NKAIN2: variants seen among roughly 807,000 people sequenced by gnomAD.
The protein encoded by NKAIN2 is sodium/potassium transporting ATPase interacting 2.
A neutral mutation model predicts 32.6 loss-of-function variants in NKAIN2; 14 were observed. The observed-to-expected ratio is 0.43, with a 90% CI of 0.28 to 0.67. NKAIN2 has a LOEUF of 0.67. Among genes scored for constraint, NKAIN2 ranks in the 30% least tolerant of loss-of-function variants. The pLI is 0.17. For missense variants in NKAIN2, 198 were observed against 258.3 expected (o/e 0.77, Z 1.60); for synonymous variants, 80 against 87.2 (o/e 0.92, Z 0.46).
At chr6:123,947,589 A>T (rs575491986) in intron 1 of NKAIN2, among the ~76,000 whole-genome samples, 1 of 152,260 alleles carries the variant, frequency 6.6e-6, no homozygotes, top group Non-Finnish European at 1.5e-5. Flanking sequence ...AACCACAGAC[A>T]TGGGCTTTAA....
intron 3 of NKAIN2, among the ~76,000 whole-genome samples, chr6:124,654,717 A>G (rs1212654141): frequency 6.6e-6 from 1 of 152,130 alleles, no homozygotes; most frequent in Non-Finnish European, 1.5e-5. Context: ...AAAAACAGAA[A>G]TTTGGATACA....
chr6:124,225,516 G>A (rs892400257), intron 1 of NKAIN2, among the ~76,000 whole-genome samples: 3 of 151,844 alleles, frequency 2.0e-5, no homozygotes, highest in Non-Finnish European at 4.4e-5. Context: ...GGTAACTCCA[G>A]TCTGACTTAA....
chr6:124,700,894 A>G (rs905832078), intron 4 of NKAIN2, among the ~76,000 whole-genome samples: 6 of 150,958 alleles, frequency 4.0e-5, no homozygotes, highest in Admixed American at 2.6e-4. Flanking sequence ...ACACACACAC[A>G]CACACTCTCT....
chr6:124,181,287 T>C (rs921498322), intron 1 of NKAIN2, among the ~76,000 whole-genome samples: 2 of 151,792 alleles, frequency 1.3e-5, no homozygotes, highest in African/African-American at 4.8e-5. Flanking sequence ...AAATCATTTT[T>C]TTCCTCCTAG....
At chr6:124,730,696 C>T (rs1014905084) in intron 4 of NKAIN2, among the ~76,000 whole-genome samples, 1 of 150,206 alleles carries the variant, frequency 6.7e-6, no homozygotes, top group Admixed American at 6.6e-5. Flanking sequence ...CAACAAAAGA[C>T]AAAATTGACA....
intron 1 of NKAIN2, among the ~76,000 whole-genome samples, chr6:124,154,535 C>T (rs1222873289): frequency 2.0e-5 from 3 of 151,960 alleles, no homozygotes; most frequent in African/African-American, 7.2e-5. Flanking sequence ...GAAAATTATA[C>T]TGCCACTTTG....
chr6:124,143,840 A>G (rs183190953), intron 1 of NKAIN2, among the ~76,000 whole-genome samples: 2 of 152,336 alleles, frequency 1.3e-5, no homozygotes, highest in Admixed American at 6.5e-5. Flanking sequence ...TTTTTATGAT[A>G]AAGGTTAAGT....
chr6:124,631,978 A>G (rs1012714735), intron 3 of NKAIN2, among the ~76,000 whole-genome samples: 1 of 152,188 alleles, frequency 6.6e-6, no homozygotes, highest in African/African-American at 2.4e-5. Context: ...CCTTATGTCC[A>G]CTGCAGGAAA....
chr6:124,028,822 TATATATATAC>T (rs1781251753), intron 1 of NKAIN2, among the ~76,000 whole-genome samples: 1 of 139,254 alleles, frequency 7.2e-6, no homozygotes, highest in East Asian at 2.0e-4. Flanking sequence ...CGTATATGTG[TATATATATAC>T]ATATATATGT....
At chr6:124,118,229 A>C (rs1785710362) in intron 1 of NKAIN2, among the ~76,000 whole-genome samples, 1 of 152,140 alleles carries the variant, frequency 6.6e-6, no homozygotes, top group African/African-American at 2.4e-5. Flanking sequence ...ACCTTAATTT[A>C]AAAAGAGGAG....
In NKAIN2 at chr6:124,355,361, A is replaced by C. The variant is rs780659763; in HGVS notation, c.273+14A>C. ...GACCTCTCAAAGGTAATTTACATCT[A>C]ATTTGCCTGAGTCATCAGTAGGGTG... On this transcript the variant is annotated intron_variant, in intron 3 of 6. Transcript: ENST00000368417. 1 of 1,483,316 alleles carries C rather than the reference A, an allele frequency of 6.7e-7. No homozygotes were observed. The highest frequency in any genetic ancestry group is 9.4e-7 in the Non-Finnish European group (1 of 1,060,658). 91.9% of individuals were successfully genotyped at this position (1,483,316 alleles called of 1,614,324 possible). A position where few individuals can be genotyped will look rare whatever the true frequency, so the allele number is the denominator to read the frequency against.
intron 1 of NKAIN2, among the ~76,000 whole-genome samples, chr6:124,275,288 A>G (rs371784447): frequency 6.6e-6 from 1 of 152,120 alleles, no homozygotes; most frequent in African/African-American, 2.4e-5. Flanking sequence ...GGGCTTTTAC[A>G]TAAACTTACT....
intron 6 of NKAIN2, among the ~76,000 whole-genome samples, chr6:124,818,757 A>G (rs922095045): frequency 5.9e-5 from 9 of 152,208 alleles, no homozygotes; most frequent in African/African-American, 1.9e-4. Context: ...GAGTTGCCAA[A>G]AAGTTGTATT....
intron 3 of NKAIN2, among the ~76,000 whole-genome samples, chr6:124,590,179 T>G (rs1367084654): frequency 6.6e-6 from 1 of 152,176 alleles, no homozygotes; most frequent in Non-Finnish European, 1.5e-5. Context: ...GGCAGTAAGA[T>G]TCTTCCCTTA....
chr6:124,508,791 A>G (rs1375407374), intron 3 of NKAIN2, among the ~76,000 whole-genome samples: 1 of 152,102 alleles, frequency 6.6e-6, no homozygotes, highest in African/African-American at 2.4e-5. Flanking sequence ...GTTGTTGCAG[A>G]CAATCTTCGA....
intron 3 of NKAIN2, among the ~76,000 whole-genome samples, chr6:124,385,474 T>A (rs1000119257): frequency 2.0e-5 from 3 of 152,090 alleles, no homozygotes; most frequent in Non-Finnish European, 2.9e-5. Context: ...TAACCACCCC[T>A]AGATCTTTTT....
chr6:124,327,524 G>A (rs1158069050), intron 2 of NKAIN2, among the ~76,000 whole-genome samples: 1 of 152,052 alleles, frequency 6.6e-6, no homozygotes, highest in Non-Finnish European at 1.5e-5. Flanking sequence ...TAATAGAATA[G>A]TGAAGAGAAG....
chr6:123,882,122 A>G (rs1035050728), intron 1 of NKAIN2, among the ~76,000 whole-genome samples: 2 of 152,164 alleles, frequency 1.3e-5, no homozygotes, highest in South Asian at 4.2e-4. Flanking sequence ...GTCTGTTAGG[A>G]CCAACCTCCG....
intron 3 of NKAIN2, among the ~76,000 whole-genome samples, chr6:124,496,663 C>A: frequency 6.6e-6 from 1 of 152,038 alleles, no homozygotes; most frequent in East Asian, 1.9e-4. Flanking sequence ...GAGGTGTGGG[C>A]TGAAGCTATA....
Sources: gnomAD v4.1 joint callset for allele counts (sites outside exome capture counted in the v4.1 genomes callset) on GRCh38, gnomAD v4.1.1 for gene constraint, MANE v1.5 for transcripts, NCBI Gene and HGNC (gene_info 2026-07-23, HGNC 2026-07-21) for gene names.